Variants in PIEZO2 observed in about 807,000 individuals in gnomAD.
PIEZO2 encodes piezo type mechanosensitive ion channel component 2.
PIEZO2 carries 172 observed loss-of-function variants against 337.3 expected under a neutral mutation model. The observed-to-expected ratio is 0.51, with a 90% CI of 0.45 to 0.58. The LOEUF is 0.58. Among genes scored for constraint, PIEZO2 ranks in the 20% least tolerant of loss-of-function variants. The pLI, the probability that PIEZO2 is intolerant of heterozygous loss-of-function variation, is 0.00. For missense variants in PIEZO2, 3,028 were observed against 3,391.3 expected (o/e 0.89, Z 2.66); for synonymous variants, 1,251 against 1,228.5 (o/e 1.02, Z -0.38).
At chr18:11,006,518 C>CTTT (rs1423217840) in intron 2 of PIEZO2, among the ~76,000 whole-genome samples, 1 of 152,184 alleles carries the variant, frequency 6.6e-6, no homozygotes, top group Non-Finnish European at 1.5e-5. Flanking sequence ...AACAAGCACT[C>CTTT]TTTGCCTCCT....
At position 10,707,702 on chromosome 18, in the gene PIEZO2, T is replaced by G. The variant is rs1201703776; in HGVS notation, c.5588+573A>C. On this transcript the variant is annotated intron_variant, in intron 40 of 55. Coordinates refer to ENST00000674853, the MANE Select transcript of PIEZO2 (RefSeq NM_001378183.1). The surrounding 1 kb of genome is among the most constrained non-coding windows in gnomAD (Gnocchi z 4.2). ...AGTATATTTTCCCCAAAATAAAAGT[T>G]ATAGGCTACAAAGATGATGCATTCT... Among the ~76,000 whole-genome samples, 2 of 152,246 alleles carry G rather than the reference T, an allele frequency of 1.3e-5. No individual in the cohort carries two copies. The highest frequency in any genetic ancestry group is 3.8e-4 in the East Asian group (2 of 5,206).
In PIEZO2 at chr18:11,111,478, C is replaced by A. The variant is rs1052653951; in HGVS notation, c.64+37047G>T. 6.6e-6 allele frequency among the ~76,000 whole-genome samples: 1 copy of A among 152,246 alleles called. No homozygotes were observed. Among genetic ancestry groups the A allele is most frequent in the Non-Finnish European group, 1.5e-5 (1 of 68,046 alleles). Reference sequence around the variant, plus strand: ...TCACGTGGCACGTGGCAACAATAGGCTGCCCCTTCTGGAGAAGCATGCACC... The same window carrying A: ...TCACGTGGCACGTGGCAACAATAGGATGCCCCTTCTGGAGAAGCATGCACC... On this transcript the variant is annotated intron_variant, in intron 1 of 55. Coordinates refer to ENST00000674853, the MANE Select transcript of PIEZO2 (RefSeq NM_001378183.1). This position sits in a 1 kb window ranked among gnomAD's most constrained non-coding sequence, Gnocchi z 6.2.
In PIEZO2 at chr18:11,148,494, C is replaced by G. The variant is rs1003776036; in HGVS notation, c.64+31G>C. The G allele has an allele frequency of 1.2e-5, 18 of 1,536,584 alleles. No homozygotes were observed. Among genetic ancestry groups the G allele is most frequent in the Non-Finnish European group, 1.6e-5 (18 of 1,146,446 alleles). On this transcript the variant is annotated intron_variant, in intron 1 of 55. Coordinates refer to ENST00000674853, the MANE Select transcript of PIEZO2 (RefSeq NM_001378183.1). This position sits in a 1 kb window ranked among gnomAD's most constrained non-coding sequence, Gnocchi z 5.2. ...ACCCAGGCGCCCCCCTCGTCCTCCT[C>G]AAGTGCCCTCGGAAAGCGGACCAGA...
rs2039762890 is a variant in PIEZO2 at position 11,112,417 on chromosome 18, A to G, written c.64+36108T>C. On this transcript the variant is annotated intron_variant, in intron 1 of 55. Transcript: ENST00000674853. The surrounding 1 kb of genome is among the most constrained non-coding windows in gnomAD (Gnocchi z 4.3). The stretch of plus-strand genomic sequence containing the variant: ...CGCTTTAATTAAAGAGGCCTACAAC[A>G]TCAGAATCTAAGTGTCATGACCAAA... 1.3e-5 allele frequency among the ~76,000 whole-genome samples: 2 copies of G among 152,212 alleles called. No homozygotes were observed. Among genetic ancestry groups the G allele is most frequent in the South Asian group, 4.1e-4 (2 of 4,836 alleles).
At position 11,146,878 on chromosome 18, in the gene PIEZO2, G is replaced by C. The variant is rs953829691; in HGVS notation, c.64+1647C>G. Among the ~76,000 whole-genome samples, 6 of 152,166 alleles carry C rather than the reference G, an allele frequency of 3.9e-5. No individual in the cohort carries two copies. The highest frequency in any genetic ancestry group is 7.4e-5 in the Non-Finnish European group (5 of 68,022). ...CTCCAGGAACAGTGGCGAGGAGGACGGTGGATAGAGGGACTGGGAGGGAGC... is the reference window on the plus strand; with the variant it reads ...CTCCAGGAACAGTGGCGAGGAGGACCGTGGATAGAGGGACTGGGAGGGAGC... On this transcript the variant is annotated intron_variant, in intron 1 of 55. Transcript: ENST00000674853. The surrounding 1 kb of genome is among the most constrained non-coding windows in gnomAD (Gnocchi z 6.1).
At chr18:10,800,202 T>G in intron 11 of PIEZO2, 135 bp downstream of exon 11, 1 of 1,247,060 alleles carries the variant, frequency 8.0e-7, no homozygotes, top group Non-Finnish European at 1.1e-6. Flanking sequence ...AGGCAGAACT[T>G]AAAGAAGTGA....
intron 37 of PIEZO2, 24 bp from the exon 38 acceptor site, chr18:10,715,840 A>G: frequency 3.4e-6 from 5 of 1,481,030 alleles, no homozygotes; most frequent in Non-Finnish European, 9.0e-7. Flanking sequence ...AGGCAACAAG[A>G]TGTTAAAGGA....
rs752564368 is a variant in PIEZO2 at position 11,020,786 on chromosome 18, C to T, written c.161-41126G>A. On this transcript the variant is annotated intron_variant, in intron 2 of 55. Coordinates refer to ENST00000674853, the MANE Select transcript of PIEZO2 (RefSeq NM_001378183.1). ...GCTAATCCTTTGCTGAAACCTGAAG[C>T]CTGGCAGAGAGCTTTCGGAATACTT... Among the ~76,000 whole-genome samples, 74 of 152,282 alleles carry T rather than the reference C, an allele frequency of 4.9e-4. 1 individual carries two copies. The highest frequency in any genetic ancestry group is 5.9e-4 in the Admixed American group (9 of 15,306).
intron 36 of PIEZO2, among the ~76,000 whole-genome samples, chr18:10,720,234 G>GTGTGTGTATA (rs1225106343): frequency 1.7e-5 from 2 of 119,914 alleles, no homozygotes; most frequent in African/African-American, 6.7e-5. Flanking sequence ...GTGTGTGTGT[G>GTGTGTGTATA]TATATATATA....
In PIEZO2 at chr18:10,877,674, G is replaced by A. The variant is rs74481344; in HGVS notation, c.330-6259C>T. Among the ~76,000 whole-genome samples the A allele has an allele frequency of 0.013, 2,001 of 152,208 alleles. 48 individuals carry two copies. The highest frequency in any genetic ancestry group is 0.045 in the African/African-American group (1,881 of 41,536). On this transcript the variant is annotated intron_variant, in intron 4 of 55. Coordinates refer to ENST00000674853, the MANE Select transcript of PIEZO2 (RefSeq NM_001378183.1). The surrounding 1 kb of genome is among the most constrained non-coding windows in gnomAD (Gnocchi z 5.3). ...CCCCACAGCCCGGTCTGGCCTCTGG[G>A]TGACGGTAGCAGCATCCTGATGATT... is the stretch of plus-strand genomic sequence containing the variant.
chr18:10,917,780 C>T (rs1388190589), intron 3 of PIEZO2, among the ~76,000 whole-genome samples: 1 of 152,144 alleles, frequency 6.6e-6, no homozygotes, highest in Non-Finnish European at 1.5e-5. Flanking sequence ...TTTTCACATA[C>T]TGTAGGGGCT....
chr18:10,910,541 C>T (rs954643247), intron 4 of PIEZO2, among the ~76,000 whole-genome samples: 1 of 151,972 alleles, frequency 6.6e-6, no homozygotes, highest in African/African-American at 2.4e-5. Flanking sequence ...CGAGATCATG[C>T]CAGTGCACTC....
Position 10,750,306 on chromosome 18 carries a change from T to C in PIEZO2, c.4168-119A>G. ...TCTCAGTGATAAGGATTCCAGGAGA[T>C]GCCAATTGTACCTAAAAATTCAGTC... On this transcript the variant is annotated intron_variant, in intron 28 of 55. Coordinates refer to ENST00000674853, the MANE Select transcript of PIEZO2 (RefSeq NM_001378183.1). This position sits in a 1 kb window ranked among gnomAD's most constrained non-coding sequence, Gnocchi z 4.1. 5 of 708,398 alleles carry C rather than the reference T, an allele frequency of 7.1e-6. No individual in the cohort carries two copies. The highest frequency in any genetic ancestry group is 9.6e-6 in the Non-Finnish European group (4 of 415,006). The allele number at this position is 708,398 out of a possible 1,614,324, so 43.9% of individuals were successfully genotyped here.
Position 10,704,554 on chromosome 18 carries a change from G to C in PIEZO2, c.6098C>G (p.Ala2033Gly), listed in dbSNP as rs1289963058. ...GAAGTAGCACACCATCTCCGAGCGG[G>C]CCACCAGGGTATTGTACATGGCATA... ...LFYAMYNTLV[A>G]RSEMVCYFVI... The change falls in exon 42 of 56, where the codon GCC becomes GGC. Residue 2033 changes from alanine to glycine, a missense_variant. Ala to Gly is a moderately conservative substitution (Grantham distance 60). This residue lies in a region of PIEZO2 where 1,925 missense variants were observed against 2,051.9 expected (regional missense o/e 0.94). Coordinates refer to ENST00000674853, the MANE Select transcript of PIEZO2 (RefSeq NM_001378183.1). 10 of 1,537,152 alleles carry C rather than the reference G, an allele frequency of 6.5e-6. No homozygotes were observed. The highest frequency in any genetic ancestry group is 8.7e-6 in the Non-Finnish European group (10 of 1,146,926).
rs562019568 is a variant in PIEZO2 at position 11,139,938 on chromosome 18, C to T, written c.64+8587G>A. 1.3e-4 allele frequency among the ~76,000 whole-genome samples: 20 copies of T among 152,276 alleles called. No homozygotes were observed. In the South Asian group the frequency reaches 1.7e-3, roughly 13 times the overall value. ...GACACCATGACCACCTACCCAATGCCGTAGGACTCTCAAGTCAGGCTGTTC... is the reference window on the plus strand; with the variant it reads ...GACACCATGACCACCTACCCAATGCTGTAGGACTCTCAAGTCAGGCTGTTC... On this transcript the variant is annotated intron_variant, in intron 1 of 55. Transcript: ENST00000674853.
At chr18:10,793,701 G>A (rs894308821) in intron 13 of PIEZO2, among the ~76,000 whole-genome samples, 13 of 152,192 alleles carry the variant, frequency 8.5e-5, no homozygotes, top group African/African-American at 3.1e-4. Flanking sequence ...AGTGTTAGAT[G>A]AAGGTGCCTT....
intron 7 of PIEZO2, among the ~76,000 whole-genome samples, chr18:10,807,779 A>ATTG (rs1555650952): frequency 6.6e-6 from 1 of 151,896 alleles, no homozygotes; most frequent in African/African-American, 2.4e-5. Flanking sequence ...AAAGTCAAAT[A>ATTG]TACAGTAAAA....
At chr18:10,959,678 T>C (rs1008129800) in intron 3 of PIEZO2, among the ~76,000 whole-genome samples, 2 of 152,106 alleles carry the variant, frequency 1.3e-5, no homozygotes, top group Non-Finnish European at 2.9e-5. Flanking sequence ...CAAAGTCCCA[T>C]TGAGGAACAG....
intron 7 of PIEZO2, among the ~76,000 whole-genome samples, chr18:10,811,081 T>G (rs1461035695): frequency 6.6e-6 from 1 of 152,220 alleles, no homozygotes; most frequent in Non-Finnish European, 1.5e-5. Flanking sequence ...CTGATATTCC[T>G]TATAGTTAAT....
Sources: allele counts gnomAD v4.1 joint callset (sites outside exome capture counted in the v4.1 genomes callset), GRCh38; gene constraint gnomAD v4.1.1; regional missense constraint gnomAD v4.1.1; non-coding constraint Gnocchi (gnomAD v3.1); transcripts MANE v1.5; gene names NCBI Gene and HGNC (gene_info 2026-07-23, HGNC 2026-07-21).